GPHN: variants seen among roughly 807,000 people sequenced by gnomAD.
GPHN encodes the protein gephyrin.
GPHN carries 17 observed loss-of-function variants against 95.5 expected under a neutral mutation model. The ratio of observed to expected loss-of-function variants is 0.18; its 90% CI spans 0.12 to 0.27. The LOEUF (loss-of-function observed/expected upper bound fraction) is 0.27. Ranked by LOEUF, GPHN falls within the 10% of genes least tolerant of loss-of-function variation. The pLI is 1.00. For missense variants in GPHN, 660 were observed against 978.1 expected, an observed-to-expected ratio of 0.67 and a Z score of 4.34; for synonymous variants, 320 against 322.5, an observed-to-expected ratio of 0.99 and a Z score of 0.08.
At chr14:67,232,439 A>G in the GPHN span, among the ~76,000 whole-genome samples, 1 of 152,216 alleles carries the variant, frequency 6.6e-6, no homozygotes, top group East Asian at 1.9e-4. Flanking sequence ...AGGTGACTGC[A>G]GTCCAGAGCT....
the GPHN span, chr14:67,360,242 T>G: frequency 2.5e-6 from 1 of 399,444 alleles, no homozygotes; most frequent in Non-Finnish European, 4.4e-6. Flanking sequence ...ACATTCGTCC[T>G]TGTTCTCGGA....
chr14:67,707,359 A>C, the GPHN span, among the ~76,000 whole-genome samples: 3 of 152,228 alleles, frequency 2.0e-5, no homozygotes, highest in African/African-American at 7.2e-5. Context: ...ATTTTTACTA[A>C]AGACAAATTA....
Position 67,086,758 on chromosome 14 carries a change from G to A in GPHN, c.1145-2225G>A, listed in dbSNP as rs997296815. 4.0e-5 allele frequency among the ~76,000 whole-genome samples: 6 copies of A among 151,382 alleles called. No individual in the cohort carries two copies. In the South Asian group the frequency reaches 6.3e-4, roughly 16 times the overall value. ...CTTACTGTATTTAAACGTCTCTTCC[G>A]GCCAGGCGCGTGGCTCACGCCTGTA... On this transcript the variant is annotated intron_variant, in intron 11 of 22. Coordinates refer to ENST00000478722, the MANE Select transcript of GPHN (RefSeq NM_020806.5).
chr14:66,894,875 C>T, intron 5 of GPHN, among the ~76,000 whole-genome samples: 1 of 152,084 alleles, frequency 6.6e-6, no homozygotes, highest in East Asian at 1.9e-4. Flanking sequence ...CTGAAGAGGA[C>T]ATGGAGAAAT....
At chr14:66,634,900 C>T (rs975743194) in intron 1 of GPHN, among the ~76,000 whole-genome samples, 2 of 152,176 alleles carry the variant, frequency 1.3e-5, no homozygotes, top group Non-Finnish European at 2.9e-5. Context: ...CTGTATATTG[C>T]TGTATAACAA....
chr14:67,272,671 G>A, the GPHN span, among the ~76,000 whole-genome samples: 12 of 152,052 alleles, frequency 7.9e-5, no homozygotes, highest in Non-Finnish European at 2.9e-5. Flanking sequence ...TATTGCTTTT[G>A]TTTTTGAGAC....
At chr14:67,460,808 A>C in the GPHN span, among the ~76,000 whole-genome samples, 20 of 152,310 alleles carry the variant, frequency 1.3e-4, no homozygotes, top group East Asian at 3.9e-3. Context: ...GCTGACTGAC[A>C]CCTAGCTTAT....
chr14:67,153,951 ACT>A (rs1364433215), intron 18 of GPHN, among the ~76,000 whole-genome samples: 1 of 152,204 alleles, frequency 6.6e-6, no homozygotes, highest in African/African-American at 2.4e-5. Context: ...AGCATGAAGC[ACT>A]TCTTCATGTT....
At position 66,539,409 on chromosome 14, in the gene GPHN, C is replaced by CTTTTTT. The variant is rs1000117893; in HGVS notation, c.64+30835_64+30840dup. ...AAAAAGCTCAGCTGCTTTCTACTTT[C>CTTTTTT]TTTTTTTTTTTTTTTTTTTTTTGAG... On this transcript the variant is annotated intron_variant, in intron 1 of 22. Coordinates refer to ENST00000478722, the MANE Select transcript of GPHN (RefSeq NM_020806.5). Among the ~76,000 whole-genome samples, 263 of 101,744 alleles carry CTTTTTT rather than the reference C, an allele frequency of 2.6e-3. 4 individuals are homozygous for CTTTTTT. Among genetic ancestry groups the CTTTTTT allele is most frequent in the African/African-American group, 6.7e-3 (155 of 23,280 alleles). The allele number at this position is 101,744 out of a possible 152,430, so 66.7% of individuals were successfully genotyped here.
the GPHN span, among the ~76,000 whole-genome samples, chr14:67,253,634 C>T: frequency 6.6e-6 from 1 of 152,030 alleles, no homozygotes; most frequent in Non-Finnish European, 1.5e-5. Flanking sequence ...TGCTTGAGCC[C>T]AGGAGTTCCA....
chr14:67,392,809 C>T, the GPHN span: 20 of 1,613,540 alleles, frequency 1.2e-5, no homozygotes, highest in Middle Eastern at 1.6e-4. Flanking sequence ...GACGGCTGGC[C>T]GTGAAGCTGT....
the GPHN span, among the ~76,000 whole-genome samples, chr14:67,232,735 T>C: frequency 6.6e-6 from 1 of 152,202 alleles, no homozygotes; most frequent in East Asian, 1.9e-4. Context: ...ATATTCAGTC[T>C]AAACTTAAAA....
chr14:67,155,044 G>A (rs750114650), intron 18 of GPHN, among the ~76,000 whole-genome samples: 6 of 152,078 alleles, frequency 3.9e-5, no homozygotes, highest in Non-Finnish European at 7.4e-5. Context: ...ACTACAGGAG[G>A]CAAAGAAGCC....
At chr14:66,770,831 ATTG>A (rs1429976302) in intron 2 of GPHN, among the ~76,000 whole-genome samples, 2 of 149,106 alleles carry the variant, frequency 1.3e-5, no homozygotes, top group Non-Finnish European at 2.9e-5. Context: ...TTATTTTATT[ATTG>A]TTCTTAATCT....
At chr14:66,875,897 G>A (rs1055315022) in intron 4 of GPHN, among the ~76,000 whole-genome samples, 8 of 152,066 alleles carry the variant, frequency 5.3e-5, no homozygotes, top group Non-Finnish European at 1.5e-5. Flanking sequence ...TCTGGACCAA[G>A]CAGACCTAAT....
the GPHN span, chr14:67,651,322 A>T: frequency 5.6e-6 from 9 of 1,610,484 alleles, no homozygotes; most frequent in Non-Finnish European, 7.6e-6. Context: ...TTCTATCCAC[A>T]TCCCTAACAT....
chr14:67,150,453 CAAAAA>C (rs1164806975), intron 18 of GPHN, among the ~76,000 whole-genome samples: 1 of 98,058 alleles, frequency 1.0e-5, no homozygotes, highest in African/African-American at 3.9e-5. Flanking sequence ...AAAAAAAAAA[CAAAAA>C]AAAAAAAAAA....
At chr14:67,688,149 T>A in the GPHN span, among the ~76,000 whole-genome samples, 1 of 152,128 alleles carries the variant, frequency 6.6e-6, no homozygotes, top group Admixed American at 6.5e-5. Context: ...TGCAACTCAC[T>A]TCTTCAGGAA....
chr14:67,466,383 AAG>A, the GPHN span, among the ~76,000 whole-genome samples: 3 of 152,256 alleles, frequency 2.0e-5, no homozygotes, highest in Admixed American at 6.5e-5. Flanking sequence ...GGAAGACTCT[AAG>A]AGGGAAATGC....
Sources: allele counts gnomAD v4.1 joint callset (sites outside exome capture counted in the v4.1 genomes callset), GRCh38; gene constraint gnomAD v4.1.1; transcripts MANE v1.5; gene names NCBI Gene and HGNC (gene_info 2026-07-23, HGNC 2026-07-21).